The following ARHGAP25 variants were observed in gnomAD, a reference collection of about 807,000 sequenced individuals.
The protein encoded by ARHGAP25 is Rho GTPase activating protein 25.
ARHGAP25 carries 34 observed loss-of-function variants against 71.0 expected under a neutral mutation model. The observed-to-expected ratio is 0.48, with a 90% confidence interval of 0.36 to 0.64. The LOEUF (loss-of-function observed/expected upper bound fraction) is 0.64. ARHGAP25 is among the 30% of genes least tolerant of loss of function. The probability of loss-of-function intolerance (pLI) is 0.00; values close to 1 mark genes in which losing one functional copy is unlikely to be tolerated. For missense variants in ARHGAP25, 706 were observed against 805.1 expected (o/e 0.88, Z 1.49); for synonymous variants, 282 against 296.5 (o/e 0.95, Z 0.50).
rs755847429 is a variant in ARHGAP25 at position 68,819,108 on chromosome 2, T to A, written c.1004-15T>A. On this transcript the variant is annotated splice_polypyrimidine_tract_variant and intron_variant, in intron 8 of 10. Transcript: ENST00000409202. ...TCCTACACTACACAACAGATCTTTT[T>A]CTTCTGTCTTTCAGGGACTCCTCAG... 6.5e-7 allele frequency: 1 copy of A among 1,528,454 alleles called. No individual in the cohort carries two copies. The highest frequency in any genetic ancestry group is 2.3e-5 in the East Asian group (1 of 44,156). 94.7% of individuals were successfully genotyped at this position (1,528,454 alleles called of 1,614,324 possible). A position where few individuals can be genotyped will look rare whatever the true frequency, so the allele number is the denominator to read the frequency against.
intron 4 of ARHGAP25, among the ~76,000 whole-genome samples, chr2:68,802,637 A>G (rs967010110): frequency 6.6e-6 from 1 of 151,540 alleles, no homozygotes; most frequent in African/African-American, 2.4e-5. Flanking sequence ...TAGGGATGGG[A>G]TGATAGTGAG....
At chr2:68,768,590 C>T (rs1274503706) in intron 1 of ARHGAP25, among the ~76,000 whole-genome samples, 1 of 152,190 alleles carries the variant, frequency 6.6e-6, no homozygotes, top group Admixed American at 6.5e-5. Flanking sequence ...GTTAGAAATG[C>T]TTCCCTCTGT....
At chr2:68,817,686 T>C (rs1681333329) in intron 7 of ARHGAP25, among the ~76,000 whole-genome samples, 187 bp from the exon 8 acceptor site, 1 of 152,184 alleles carries the variant, frequency 6.6e-6, no homozygotes, top group Non-Finnish European at 1.5e-5. Flanking sequence ...CCTCCTGATT[T>C]CTCTTCCTTC....
Position 68,822,404 on chromosome 2 carries a change from G to A in ARHGAP25, c.1265G>A (p.Ser422Asn), listed in dbSNP as rs761008026. The change falls in exon 10 of 11, where the codon AGC becomes AAC. Residue 422 changes from serine to asparagine, a missense_variant. By Grantham distance (46) the Ser-to-Asn change is conservative. Transcript: ENST00000409202. ...CCGAGCGATGCGTTTCCGGAGGACA[G>A]CAGCAAAGTACCCAGGGAAAAGCCA... ...QQPSDAFPED[S>N]SKVPREKPGD... 7 of 1,614,054 alleles carry A rather than the reference G, an allele frequency of 4.3e-6. No individual in the cohort carries two copies. The highest frequency in any genetic ancestry group is 5.1e-6 in the Non-Finnish European group (6 of 1,180,022).
In ARHGAP25 at chr2:68,775,603, A is replaced by C. The variant is rs538900211; in HGVS notation, c.261+183A>C. 5.1e-6 allele frequency: 5 copies of C among 978,142 alleles called. No individual in the cohort carries two copies. In the South Asian group the frequency reaches 6.9e-5, roughly 13 times the overall value. 60.6% of individuals were successfully genotyped at this position (978,142 alleles called of 1,614,324 possible). On this transcript the variant is annotated intron_variant, in intron 2 of 10. Coordinates refer to ENST00000409202, the MANE Select transcript of ARHGAP25 (RefSeq NM_001007231.3). ...ATAAACTGAGTTGCAAAGATGACAG[A>C]GTGGTCCTCCAGGAAGCACCAGGAC...
At chr2:68,763,816 G>GT (rs1465309533) in intron 1 of ARHGAP25, among the ~76,000 whole-genome samples, 2 of 152,030 alleles carry the variant, frequency 1.3e-5, no homozygotes, top group Non-Finnish European at 2.9e-5. Flanking sequence ...TCCATGGTGG[G>GT]TTTTTTGTGT....
intron 7 of ARHGAP25, among the ~76,000 whole-genome samples, chr2:68,817,351 G>C (rs1039239729): frequency 1.3e-5 from 2 of 152,158 alleles, no homozygotes; most frequent in Non-Finnish European, 2.9e-5. Flanking sequence ...CAAAGGGGTA[G>C]AATTTTAACA....
intron 1 of ARHGAP25, among the ~76,000 whole-genome samples, chr2:68,747,206 G>A (rs1292942583): frequency 6.6e-6 from 1 of 151,862 alleles, no homozygotes; most frequent in East Asian, 1.9e-4. Flanking sequence ...AGACTTCCTT[G>A]ACACTGTGCC....
intron 2 of ARHGAP25, among the ~76,000 whole-genome samples, chr2:68,715,204 G>A (rs1273809555): frequency 6.6e-6 from 1 of 152,146 alleles, no homozygotes; most frequent in Non-Finnish European, 1.5e-5. Context: ...TCTCGAACTG[G>A]AATCCTCAGC....
chr2:68,717,072 C>A (rs566770661), intron 2 of ARHGAP25, among the ~76,000 whole-genome samples: 1 of 152,234 alleles, frequency 6.6e-6, no homozygotes, highest in African/African-American at 2.4e-5. Context: ...AATATACTTA[C>A]ACAAAACTAG....
At chr2:68,751,940 C>A (rs2104317935) in intron 1 of ARHGAP25, among the ~76,000 whole-genome samples, 1 of 152,278 alleles carries the variant, frequency 6.6e-6, no homozygotes, top group South Asian at 2.1e-4. Context: ...GCAAACTCAG[C>A]CAAGTTTGGC....
At chr2:68,791,190 C>T (rs1679151232) in intron 4 of ARHGAP25, among the ~76,000 whole-genome samples, 1 of 152,218 alleles carries the variant, frequency 6.6e-6, no homozygotes, top group African/African-American at 2.4e-5. Context: ...GGCACATAAC[C>T]TCTTCTAACA....
chr2:68,762,326 A>G (rs1346923814), intron 1 of ARHGAP25, among the ~76,000 whole-genome samples: 1 of 152,230 alleles, frequency 6.6e-6, no homozygotes, highest in East Asian at 1.9e-4. Flanking sequence ...TTGTGCAATA[A>G]TGTGAATGTA....
At chr2:68,806,896 C>G (rs7578622) in intron 4 of ARHGAP25, among the ~76,000 whole-genome samples, 2,162 of 152,266 alleles carry the variant, frequency 0.014, 50 homozygotes, top group African/African-American at 0.049. Context: ...TCTGAGCTGC[C>G]TGACTTTGGC....
In ARHGAP25 at chr2:68,767,440, C is replaced by T. The variant is rs1245465433; in HGVS notation, c.62-7781C>T. Among the ~76,000 whole-genome samples, 5 of 151,820 alleles carry T rather than the reference C, an allele frequency of 3.3e-5. No homozygotes were observed. Among genetic ancestry groups the T allele is most frequent in the South Asian group, 2.1e-4 (1 of 4,810 alleles). On this transcript the variant is annotated intron_variant, in intron 1 of 10. Coordinates refer to ENST00000409202, the MANE Select transcript of ARHGAP25 (RefSeq NM_001007231.3). This position sits in a 1 kb window ranked among gnomAD's most constrained non-coding sequence, Gnocchi z 4.6. ...ATGTGTGAATGTGGCAGGGGCGTTG[C>T]GTGTGTGTATGTGTGCGGGGTGTGG...
Position 68,775,934 on chromosome 2 carries a change from A to G in ARHGAP25, c.261+514A>G, listed in dbSNP as rs111645408. 5.4e-3 allele frequency among the ~76,000 whole-genome samples: 816 copies of G among 152,264 alleles called. 5 individuals are homozygous for G. Among genetic ancestry groups the G allele is most frequent in the Admixed American group, 9.9e-3 (152 of 15,294 alleles). ...AAGAAAAGTATGTAGTTTGTTAGAG[A>G]AAAGATTAGTTCTATGAGGAAAAAA... On this transcript the variant is annotated intron_variant, in intron 2 of 10. Coordinates refer to ENST00000409202, the MANE Select transcript of ARHGAP25 (RefSeq NM_001007231.3).
chr2:68,716,137 C>T (rs1674604154), intron 2 of ARHGAP25, among the ~76,000 whole-genome samples: 1 of 152,152 alleles, frequency 6.6e-6, no homozygotes, highest in Non-Finnish European at 1.5e-5. Context: ...CCTTGGCCTG[C>T]CCATCCTTTC....
intron 4 of ARHGAP25, among the ~76,000 whole-genome samples, chr2:68,790,211 G>C (rs1056801809): frequency 6.6e-6 from 1 of 152,058 alleles, no homozygotes; most frequent in Non-Finnish European, 1.5e-5. Context: ...GGCTGGTCTC[G>C]AACTCCTGAC....
intron 4 of ARHGAP25, among the ~76,000 whole-genome samples, chr2:68,801,236 T>C (rs979361128): frequency 6.6e-6 from 1 of 152,140 alleles, no homozygotes; most frequent in Non-Finnish European, 1.5e-5. Context: ...GCTGCAGATG[T>C]CAAGTTCAAA....
Sources: gnomAD v4.1 joint callset for allele counts (sites outside exome capture counted in the v4.1 genomes callset) on GRCh38, gnomAD v4.1.1 for gene constraint, Gnocchi (gnomAD v3.1) non-coding constraint, MANE v1.5 for transcripts, NCBI Gene and HGNC (gene_info 2026-07-23, HGNC 2026-07-21) for gene names.